The following NEIL3 variants were observed in gnomAD, a reference collection of about 807,000 sequenced individuals.
The protein encoded by NEIL3 is endonuclease 8-like 3.
In NEIL3, 48 loss-of-function variants were observed where a neutral mutation model predicts 57.5. The observed-to-expected ratio is 0.83, with a 90% CI of 0.66 to 1.06. The LOEUF (loss-of-function observed/expected upper bound fraction) is 1.06, where lower values mean the gene tolerates loss of function less well. Among genes scored for constraint, NEIL3 ranks in the 50% least tolerant of loss-of-function variants. The probability of loss-of-function intolerance (pLI) is 0.00; values close to 1 mark genes in which losing one functional copy is unlikely to be tolerated. For synonymous variants in NEIL3, 261 were observed against 253.2 expected (o/e 1.03, Z -0.29); for missense variants, 717 against 739.1 (o/e 0.97, Z 0.35).
chr4:177,368,686 G>A, the NEIL3 span, among the ~76,000 whole-genome samples: 25 of 152,232 alleles, frequency 1.6e-4, no homozygotes, highest in East Asian at 4.6e-3. Flanking sequence ...CATTTTTAAC[G>A]TTGTTACCAC....
chr4:177,366,591 C>G (rs1003367453), downstream of NEIL3, among the ~76,000 whole-genome samples: 16 of 152,084 alleles, frequency 1.1e-4, no homozygotes, highest in African/African-American at 3.6e-4. Context: ...TAGAGACAGG[C>G]TGTCGTCATG....
intron 1 of NEIL3, among the ~76,000 whole-genome samples, chr4:177,311,543 G>A (rs1368527306): frequency 6.6e-6 from 1 of 151,942 alleles, no homozygotes; most frequent in Non-Finnish European, 1.5e-5. Flanking sequence ...GCATGCTGGT[G>A]CATGCCTGTA....
At chr4:177,366,774 G>C (rs1262025637), downstream of NEIL3, among the ~76,000 whole-genome samples, 5 of 152,126 alleles carry the variant, frequency 3.3e-5, no homozygotes, top group African/African-American at 1.2e-4. Flanking sequence ...TTATTAGATT[G>C]TTATTGAGAT....
intron 8 of NEIL3, chr4:177,356,903 A>T (rs1008831414): frequency 6.6e-6 from 1 of 152,228 alleles, no homozygotes; most frequent in Non-Finnish European, 1.5e-5. Flanking sequence ...CAAAGAATGC[A>T]TGTGTTTTAG....
chr4:177,358,289 TA>T (rs1735523660), intron 8 of NEIL3, among the ~76,000 whole-genome samples: 1 of 152,020 alleles, frequency 6.6e-6, no homozygotes, highest in Non-Finnish European at 1.5e-5. Flanking sequence ...CACACGTGGC[TA>T]TGTTTTTGTT....
intron 6 of NEIL3, among the ~76,000 whole-genome samples, chr4:177,348,376 TG>T (rs1357624088): frequency 6.6e-6 from 1 of 152,024 alleles, no homozygotes; most frequent in Non-Finnish European, 1.5e-5. Flanking sequence ...AGGGGTAGAG[TG>T]GCCTGGCAGC....
rs1047762469 is a variant in NEIL3 at position 177,310,070 on chromosome 4, C to G, written c.117C>G (p.Ala39=). Residue 39 remains alanine (A), a synonymous_variant, in exon 1 of 10, where the codon GCC becomes GCG. Coordinates refer to ENST00000264596, the MANE Select transcript of NEIL3 (RefSeq NM_018248.3). ...GSALRSLQGR[A]LRLAASTVVV... ...CTCTGCGGAGTCTGCAGGGCCGCGCCTTGCGGCTCGCAGCCTCCACGGTTG... is the reference window on the plus strand; with the variant it reads ...CTCTGCGGAGTCTGCAGGGCCGCGCGTTGCGGCTCGCAGCCTCCACGGTTG... 63 of 1,598,938 alleles carry G rather than the reference C, an allele frequency of 3.9e-5. No homozygotes were observed. The highest frequency in any genetic ancestry group is 4.9e-5 in the Non-Finnish European group (58 of 1,173,992).
chr4:177,342,710 A>G (rs1735121063), intron 6 of NEIL3, among the ~76,000 whole-genome samples: 1 of 152,244 alleles, frequency 6.6e-6, no homozygotes, highest in African/African-American at 2.4e-5. Flanking sequence ...TAGAATTTTG[A>G]TTAAACGATA....
rs768646356 is a variant in NEIL3 at position 177,310,084 on chromosome 4, C to T, written c.131C>T (p.Ala44Val). The T allele has an allele frequency of 1.3e-6, 2 of 1,595,352 alleles. No individual in the cohort carries two copies. The highest frequency in any genetic ancestry group is 2.3e-5 in the East Asian group (1 of 43,474). The change falls in exon 1 of 10, where the codon GCC becomes GTC. Residue 44 changes from alanine to valine, a missense_variant. By Grantham distance (64) the Ala-to-Val change is moderately conservative (BLOSUM62 0). Coordinates refer to ENST00000264596, the MANE Select transcript of NEIL3 (RefSeq NM_018248.3). The stretch of plus-strand genomic sequence containing the variant: ...CAGGGCCGCGCCTTGCGGCTCGCAG[C>T]CTCCACGGTTGTGGTCTCCCCGCAG... ...SLQGRALRLAASTVVVSPQAA... is the reference protein window; with the variant it reads ...SLQGRALRLAVSTVVVSPQAA...
At position 177,353,490 on chromosome 4, in the gene NEIL3, C is replaced by G; in HGVS notation, c.1222C>G (p.Gln408Glu). The change falls in exon 8 of 10, where the codon CAA becomes GAA. Residue 408 changes from glutamine to glutamate, a missense_variant. Coordinates refer to ENST00000264596, the MANE Select transcript of NEIL3 (RefSeq NM_018248.3). ...KSSTLERKTKQNQILDEEFQN... is the reference protein window; with the variant it reads ...KSSTLERKTKENQILDEEFQN... The stretch of plus-strand genomic sequence containing the variant: ...CAGTACTTTGGAAAGAAAAACAAAG[C>G]AAAACCAGATACTAGATGAGGAGTT... 1.9e-6 allele frequency: 3 copies of G among 1,613,790 alleles called. No homozygotes were observed. Among genetic ancestry groups the G allele is most frequent in the Non-Finnish European group, 2.5e-6 (3 of 1,179,872 alleles).
downstream of NEIL3, among the ~76,000 whole-genome samples, chr4:177,364,900 C>A (rs1306423125): frequency 6.6e-6 from 1 of 151,044 alleles, no homozygotes; most frequent in Non-Finnish European, 1.5e-5. Flanking sequence ...TGCACTCCAG[C>A]CTGGTGACAG....
chr4:177,337,145 T>A (rs1341537280), intron 4 of NEIL3, among the ~76,000 whole-genome samples: 1 of 150,248 alleles, frequency 6.7e-6, no homozygotes, highest in Non-Finnish European at 1.5e-5. Flanking sequence ...GAAAAGGGAA[T>A]GGTGATGAAT....
Position 177,335,780 on chromosome 4 carries a change from C to A in NEIL3, c.371C>A (p.Thr124Asn). The change falls in exon 3 of 10, where the codon ACC becomes AAC. Residue 124 changes from threonine to asparagine, a missense_variant. Coordinates refer to ENST00000264596, the MANE Select transcript of NEIL3 (RefSeq NM_018248.3). ...TCTCCTGTTTTGGAAGTGCAGCTCACCAAAGATTTGATTTGTTTCTTTGAC... is the reference window on the plus strand; with the variant it reads ...TCTCCTGTTTTGGAAGTGCAGCTCAACAAAGATTTGATTTGTTTCTTTGAC... ...GASPVLEVQL[T>N]KDLICFFDSS... 1 of 1,581,450 alleles carries A rather than the reference C, an allele frequency of 6.3e-7. No homozygotes were observed. The highest frequency in any genetic ancestry group is 1.2e-5 in the South Asian group (1 of 84,572).
chr4:177,324,682 C>T (rs1274094098), intron 2 of NEIL3, among the ~76,000 whole-genome samples: 8 of 152,138 alleles, frequency 5.3e-5, no homozygotes, highest in Admixed American at 3.3e-4. Flanking sequence ...ACTAAAACAA[C>T]ACAAACGTCA....
At chr4:177,339,898 C>A in intron 5 of NEIL3, 41 bp downstream of exon 5, 1 of 1,396,190 alleles carries the variant, frequency 7.2e-7, no homozygotes, top group Non-Finnish European at 1.0e-6. Flanking sequence ...TGTAAAATGT[C>A]AGTGGTTTCC....
At chr4:177,328,795 A>G (rs1248557918) in intron 2 of NEIL3, among the ~76,000 whole-genome samples, 2 of 152,188 alleles carry the variant, frequency 1.3e-5, no homozygotes, top group Non-Finnish European at 2.9e-5. Context: ...GTTATGTTCT[A>G]TATCTAAAGC....
chr4:177,355,603 C>A (rs960630399), intron 8 of NEIL3, among the ~76,000 whole-genome samples: 2 of 152,084 alleles, frequency 1.3e-5, no homozygotes, highest in Admixed American at 1.3e-4. Context: ...TGGTTGGGAC[C>A]TAGAGTAATC....
At position 177,353,807 on chromosome 4, in the gene NEIL3, C is replaced by G. The variant is rs190502737; in HGVS notation, c.1460+79C>G. On this transcript the variant is annotated intron_variant, in intron 8 of 9. Transcript: ENST00000264596. ...TTAAGACGAGGTCTCACTCTGTCAC[C>G]TAGGCTACAGTGCAGTGGTGTGATC... 5 of 1,265,454 alleles carry G rather than the reference C, an allele frequency of 4.0e-6. No individual in the cohort carries two copies. The Admixed American group carries it at 6.5e-5, about 17-fold the overall frequency. The allele number at this position is 1,265,454 out of a possible 1,614,324, so 78.4% of individuals were successfully genotyped here.
chr4:177,323,962 A>G lies in NEIL3; in HGVS notation c.278+1382A>G, dbSNP rs34740748. On this transcript the variant is annotated intron_variant, in intron 2 of 9. Transcript: ENST00000264596. ...ACCTATGTCAGTATATGGGTGGGAAAAATGCAGTGGCTTGCTTCCTTTCAG... is the reference window on the plus strand; with the variant it reads ...ACCTATGTCAGTATATGGGTGGGAAGAATGCAGTGGCTTGCTTCCTTTCAG... Among the ~76,000 whole-genome samples the G allele has an allele frequency of 8.8e-3, 1,336 of 152,286 alleles. 18 individuals are homozygous for G. The highest frequency in any genetic ancestry group is 0.03 in the African/African-American group (1,267 of 41,550).
Sources: allele counts gnomAD v4.1 joint callset (sites outside exome capture counted in the v4.1 genomes callset), GRCh38; gene constraint gnomAD v4.1.1; transcripts MANE v1.5; gene names NCBI Gene and HGNC (gene_info 2026-07-23, HGNC 2026-07-21).